ZNF804A: variants seen among roughly 807,000 people sequenced by gnomAD.
ZNF804A encodes zinc finger protein 804A.
ZNF804A carries 2 observed loss-of-function variants against 16.5 expected under a neutral mutation model. That is an observed-to-expected ratio of 0.12 (90% CI 0.05 to 0.38). The LOEUF is 0.38. ZNF804A is among the 10% of genes least tolerant of loss of function. The probability of loss-of-function intolerance (pLI) is 0.99; values close to 1 mark genes in which losing one functional copy is unlikely to be tolerated. For missense variants in ZNF804A, 1,473 were observed against 1,390.7 expected, an observed-to-expected ratio of 1.06 and a Z score of -0.94; for synonymous variants, 534 against 489.6, an observed-to-expected ratio of 1.09 and a Z score of -1.20.
intron 1 of ZNF804A, among the ~76,000 whole-genome samples, chr2:184,657,518 A>G (rs941987802): frequency 4.6e-5 from 7 of 152,198 alleles, no homozygotes; most frequent in Non-Finnish European, 1.0e-4. Flanking sequence ...GGGATTCTGT[A>G]CATCCCTTTT....
At chr2:184,674,343 A>C (rs1692386918) in intron 1 of ZNF804A, among the ~76,000 whole-genome samples, 1 of 152,030 alleles carries the variant, frequency 6.6e-6, no homozygotes, top group African/African-American at 2.4e-5. Context: ...TAAACATAAT[A>C]TTCAAATTTG....
At chr2:184,931,775 C>T (rs891524371) in intron 2 of ZNF804A, among the ~76,000 whole-genome samples, 1 of 152,170 alleles carries the variant, frequency 6.6e-6, no homozygotes. Context: ...TTTTCTATCG[C>T]ATCATCAGGC....
chr2:184,625,481 T>A (rs1464734104), intron 1 of ZNF804A, among the ~76,000 whole-genome samples: 1 of 152,116 alleles, frequency 6.6e-6, no homozygotes, highest in African/African-American at 2.4e-5. Context: ...AATGACTTAG[T>A]ATATGTTTCA....
At chr2:184,732,857 C>A (rs1371974332) in intron 1 of ZNF804A, among the ~76,000 whole-genome samples, 9 of 152,046 alleles carry the variant, frequency 5.9e-5, no homozygotes, top group Non-Finnish European at 1.3e-4. Context: ...AAGCAACTAG[C>A]TTTTCTATAT....
chr2:184,827,823 G>T (rs1695188853), intron 1 of ZNF804A, among the ~76,000 whole-genome samples: 1 of 151,070 alleles, frequency 6.6e-6, no homozygotes, highest in South Asian at 2.1e-4. Context: ...CCTGGTAATG[G>T]GTGTATAATA....
intron 1 of ZNF804A, among the ~76,000 whole-genome samples, chr2:184,805,302 T>C (rs1054858431): frequency 6.6e-6 from 1 of 152,144 alleles, no homozygotes; most frequent in Non-Finnish European, 1.5e-5. Context: ...TCTTAAGATA[T>C]CTTAATATTT....
chr2:184,836,297 T>C (rs1695345038), intron 1 of ZNF804A, among the ~76,000 whole-genome samples: 1 of 152,114 alleles, frequency 6.6e-6, no homozygotes, highest in Admixed American at 6.6e-5. Context: ...GCAAGCAGTT[T>C]CCTAAAAAGG....
At chr2:184,734,733 C>G (rs1431720053) in intron 1 of ZNF804A, among the ~76,000 whole-genome samples, 1 of 152,140 alleles carries the variant, frequency 6.6e-6, no homozygotes, top group African/African-American at 2.4e-5. Context: ...TTTTTGACTG[C>G]TCATTCTGTC....
intron 1 of ZNF804A, among the ~76,000 whole-genome samples, chr2:184,604,146 C>CTTCTTTTT (rs1691096735): frequency 2.2e-5 from 1 of 44,862 alleles, no homozygotes; most frequent in African/African-American, 7.1e-5. Flanking sequence ...ACTGCAATTA[C>CTTCTTTTT]TTTTTTTTTT....
chr2:184,658,195 C>T (rs1220555771), intron 1 of ZNF804A, among the ~76,000 whole-genome samples: 2 of 151,896 alleles, frequency 1.3e-5, no homozygotes, highest in Non-Finnish European at 2.9e-5. Context: ...AAGTTTTTTT[C>T]CCCCCAGGCC....
At chr2:184,611,234 C>G (rs1691232577) in intron 1 of ZNF804A, among the ~76,000 whole-genome samples, 1 of 152,124 alleles carries the variant, frequency 6.6e-6, no homozygotes, top group Non-Finnish European at 1.5e-5. Context: ...AAGTCCTCAT[C>G]TCTGATACCA....
intron 1 of ZNF804A, among the ~76,000 whole-genome samples, chr2:184,760,315 G>A (rs1200274169): frequency 6.6e-6 from 1 of 152,042 alleles, no homozygotes; most frequent in Non-Finnish European, 1.5e-5. Flanking sequence ...CAAAAATGGA[G>A]ACATAGTTAT....
chr2:184,838,059 T>A (rs980404022), intron 1 of ZNF804A, among the ~76,000 whole-genome samples: 4 of 151,914 alleles, frequency 2.6e-5, no homozygotes, highest in Non-Finnish European at 5.9e-5. Flanking sequence ...CATGCAGGAG[T>A]GCACGTGGGA....
chr2:184,646,100 C>A (rs1483036212), intron 1 of ZNF804A, among the ~76,000 whole-genome samples: 1 of 152,186 alleles, frequency 6.6e-6, no homozygotes, highest in Non-Finnish European at 1.5e-5. Context: ...TTTTAGCCAA[C>A]CACATACATA....
intron 1 of ZNF804A, among the ~76,000 whole-genome samples, chr2:184,857,656 A>G (rs1172914430): frequency 1.3e-5 from 2 of 152,138 alleles, no homozygotes; most frequent in Non-Finnish European, 2.9e-5. Context: ...TTTACACACT[A>G]CAATATTTAT....
Position 184,860,682 on chromosome 2 carries a change from G to A in ZNF804A, c.112-5687G>A, listed in dbSNP as rs370475555. On this transcript the variant is annotated intron_variant, in intron 1 of 3. Coordinates refer to ENST00000302277, the MANE Select transcript of ZNF804A (RefSeq NM_194250.2). The stretch of plus-strand genomic sequence containing the variant: ...CCAGGGTGGACTTGGAGGCCCTGTA[G>A]GTGGGTACCAGCCTGGAATCTGATG... 3.7e-4 allele frequency among the ~76,000 whole-genome samples: 56 copies of A among 152,352 alleles called. No individual in the cohort carries two copies. The Middle Eastern group carries it at 0.01, about 28-fold the overall frequency.
chr2:184,918,853 T>C (rs1381303249), intron 2 of ZNF804A, among the ~76,000 whole-genome samples: 1 of 152,164 alleles, frequency 6.6e-6, no homozygotes, highest in Non-Finnish European at 1.5e-5. Flanking sequence ...GAAACCACCA[T>C]ACCACATTAA....
At chr2:184,666,069 T>C (rs946262560) in intron 1 of ZNF804A, among the ~76,000 whole-genome samples, 1 of 152,192 alleles carries the variant, frequency 6.6e-6, no homozygotes, top group Non-Finnish European at 1.5e-5. Context: ...ACACCACAAA[T>C]TGAAAATTAT....
chr2:184,885,551 G>A (rs1684875732), intron 2 of ZNF804A, among the ~76,000 whole-genome samples: 1 of 152,116 alleles, frequency 6.6e-6, no homozygotes, highest in Non-Finnish European at 1.5e-5. Flanking sequence ...CATGGACAGA[G>A]CTGGAGGCCA....
Sources: allele counts gnomAD v4.1 joint callset (sites outside exome capture counted in the v4.1 genomes callset), GRCh38; gene constraint gnomAD v4.1.1; transcripts MANE v1.5; gene names NCBI Gene and HGNC (gene_info 2026-07-23, HGNC 2026-07-21).